STK3: variants seen among roughly 807,000 people sequenced by gnomAD.
STK3 encodes the protein serine/threonine-protein kinase 3.
STK3 carries 41 observed loss-of-function variants against 58.0 expected under a neutral mutation model. The ratio of observed to expected loss-of-function variants is 0.71; its 90% CI spans 0.55 to 0.92. STK3 has a LOEUF of 0.92. Ranked by LOEUF, STK3 falls within the 40% of genes least tolerant of loss-of-function variation. The probability of loss-of-function intolerance (pLI) is 0.00; values close to 1 mark genes in which losing one functional copy is unlikely to be tolerated. For missense variants in STK3, 479 were observed against 602.7 expected, an observed-to-expected ratio of 0.79 and a Z score of 2.15; for synonymous variants, 170 against 191.0, an observed-to-expected ratio of 0.89 and a Z score of 0.91.
intron 3 of STK3, chr8:98,431,956 A>G (rs1321568358): frequency 6.0e-6 from 1 of 167,110 alleles, no homozygotes; most frequent in Non-Finnish European, 1.5e-5. Flanking sequence ...GTGGTTTCAG[A>G]TAAGTGGGAG....
chr8:98,715,910 A>G (rs1217844260), intron 4 of STK3, among the ~76,000 whole-genome samples: 7 of 152,242 alleles, frequency 4.6e-5, no homozygotes, highest in Admixed American at 6.5e-5. Flanking sequence ...AGACTGGATT[A>G]AGAAAATGTG....
Position 98,825,668 on chromosome 8 carries a change from C to G in STK3, c.-128G>C. 1 of 1,152,704 alleles carries G rather than the reference C, an allele frequency of 8.7e-7. No individual in the cohort carries two copies. Among genetic ancestry groups the G allele is most frequent in the Non-Finnish European group, 1.1e-6 (1 of 926,728 alleles). 71.4% of individuals were successfully genotyped at this position (1,152,704 alleles called of 1,614,324 possible). A position where few individuals can be genotyped will look rare whatever the true frequency, so the allele number is the denominator to read the frequency against. ...ACTCTGGGAACTCGGACCAACTTTC[C>G]CGTAACTCCGCGGCGGATCTCCCTC... On this transcript the variant is annotated 5_prime_UTR_variant, in exon 1 of 11. Transcript: ENST00000419617.
At chr8:98,768,326 C>T (rs1172626410) in intron 2 of STK3, among the ~76,000 whole-genome samples, 10 of 152,152 alleles carry the variant, frequency 6.6e-5, no homozygotes, top group Non-Finnish European at 8.8e-5. Flanking sequence ...AGAAGAGAAA[C>T]AAGAGCAAGC....
intron 6 of STK3, among the ~76,000 whole-genome samples, chr8:98,657,250 C>T (rs1821620254): frequency 6.6e-6 from 1 of 151,976 alleles, no homozygotes; most frequent in Non-Finnish European, 1.5e-5. Flanking sequence ...GTACTGGACA[C>T]ACATCAAATC....
chr8:98,386,944 C>T (rs1188570786), intron 1 of STK3, among the ~76,000 whole-genome samples: 3 of 151,936 alleles, frequency 2.0e-5, no homozygotes, highest in East Asian at 3.8e-4. Context: ...GGGAACAGGG[C>T]GAGACCCTGT....
chr8:98,779,419 AGGTGATGCCAAACAACTC>A (rs757199604), intron 1 of STK3, among the ~76,000 whole-genome samples: 121 of 152,372 alleles, frequency 7.9e-4, no homozygotes, highest in Middle Eastern at 3.4e-3. Context: ...TCAGAAATGA[AGGTGATGCCAAACAACTC>A]CACAGACTGT....
At chr8:98,540,029 C>T (rs1296241560) in intron 9 of STK3, among the ~76,000 whole-genome samples, 3 of 152,166 alleles carry the variant, frequency 2.0e-5, no homozygotes, top group Non-Finnish European at 4.4e-5. Context: ...GCTGGGATTA[C>T]AGGCGTGAGC....
chr8:98,749,695 T>C (rs1337583193), intron 3 of STK3, among the ~76,000 whole-genome samples: 2 of 151,998 alleles, frequency 1.3e-5, no homozygotes, highest in Admixed American at 1.3e-4. Context: ...CAAATGAAAA[T>C]TTTTCCCTTT....
At chr8:98,710,622 G>A (rs996568483) in intron 4 of STK3, among the ~76,000 whole-genome samples, 1 of 152,204 alleles carries the variant, frequency 6.6e-6, no homozygotes, top group African/African-American at 2.4e-5. Context: ...CCAGGCTTGA[G>A]TAGGTAAACA....
chr8:98,468,455 T>C (rs1311890196), intron 10 of STK3, among the ~76,000 whole-genome samples: 2 of 152,222 alleles, frequency 1.3e-5, no homozygotes, highest in African/African-American at 2.4e-5. Context: ...GAGGCTCTTA[T>C]GAAAATGTTT....
chr8:98,911,890 T>A (rs1035303223), intron 1 of STK3, among the ~76,000 whole-genome samples: 6 of 152,212 alleles, frequency 3.9e-5, no homozygotes, highest in Non-Finnish European at 5.9e-5. Context: ...GTTTCTATAG[T>A]AGTGCTTTCC....
intron 4 of STK3, among the ~76,000 whole-genome samples, chr8:98,744,636 G>A (rs552912014): frequency 1.2e-3 from 186 of 150,914 alleles, no homozygotes; most frequent in Non-Finnish European, 2.3e-3. Flanking sequence ...AATGCTAAAT[G>A]ACGAGTTAAT....
At chr8:98,852,260 G>A (rs995953272) in intron 3 of STK3, among the ~76,000 whole-genome samples, 4 of 151,738 alleles carry the variant, frequency 2.6e-5, no homozygotes, top group African/African-American at 4.8e-5. Context: ...TCAGCCTCCC[G>A]AGCAGCTGGG....
chr8:98,517,678 T>C (rs1379747286), intron 10 of STK3, among the ~76,000 whole-genome samples: 1 of 152,126 alleles, frequency 6.6e-6, no homozygotes, highest in Non-Finnish European at 1.5e-5. Context: ...AAACACAACC[T>C]GATATATGCA....
At chr8:98,513,534 C>G (rs1172791469) in intron 10 of STK3, among the ~76,000 whole-genome samples, 1 of 152,166 alleles carries the variant, frequency 6.6e-6, no homozygotes, top group Non-Finnish European at 1.5e-5. Flanking sequence ...CATAGATGAC[C>G]TGGCATATGT....
rs527614461 is a variant in STK3, at chr8:98,615,216, G to T, written c.685-19047C>A. On this transcript the variant is annotated intron_variant, in intron 6 of 10. Transcript: ENST00000419617. ...GCAGGGGCACACTGACACCTCACACGGCAGGGTATTCCAACAGACCTGCAG... is the reference window on the plus strand; with the variant it reads ...GCAGGGGCACACTGACACCTCACACTGCAGGGTATTCCAACAGACCTGCAG... Among the ~76,000 whole-genome samples the T allele has an allele frequency of 6.6e-5, 10 of 151,020 alleles. No individual in the cohort carries two copies. The South Asian group carries it at 1.9e-3, about 29-fold the overall frequency.
At chr8:98,449,200 T>C (rs1419067871) in intron 1 of STK3, among the ~76,000 whole-genome samples, 1 of 152,144 alleles carries the variant, frequency 6.6e-6, no homozygotes. Flanking sequence ...AATATTCCCA[T>C]ACAGAAGATT....
At chr8:98,771,571 C>A (rs915465312) in intron 2 of STK3, among the ~76,000 whole-genome samples, 3 of 146,994 alleles carry the variant, frequency 2.0e-5, no homozygotes, top group East Asian at 3.9e-4. Flanking sequence ...ATATACGTAT[C>A]TTTTTTTTTT....
chr8:98,872,558 T>C (rs1242251713), intron 3 of STK3, among the ~76,000 whole-genome samples: 1 of 152,222 alleles, frequency 6.6e-6, no homozygotes, highest in Non-Finnish European at 1.5e-5. Flanking sequence ...TCTTCCCAGT[T>C]TAGTCTTGGG....
Sources: allele counts gnomAD v4.1 joint callset (sites outside exome capture counted in the v4.1 genomes callset), GRCh38; gene constraint gnomAD v4.1.1; transcripts MANE v1.5; gene names NCBI Gene and HGNC (gene_info 2026-07-23, HGNC 2026-07-21).